The following KIF16B variants were observed in gnomAD, a reference collection of about 807,000 sequenced individuals.
KIF16B encodes kinesin family member 16B.
Under a neutral mutation model 156.3 loss-of-function variants are expected in KIF16B, and 98 were observed. The observed-to-expected ratio is 0.63, with a 90% CI of 0.53 to 0.74. The LOEUF is 0.74. Among genes scored for constraint, KIF16B ranks in the 30% least tolerant of loss-of-function variants. The pLI is 0.00. For missense variants in KIF16B, 1,421 were observed against 1,606.5 expected (o/e 0.88, Z 1.97); for synonymous variants, 564 against 583.7 (o/e 0.97, Z 0.49).
At chr20:16,428,590 T>A (rs1464609332) in intron 14 of KIF16B, among the ~76,000 whole-genome samples, 1 of 152,170 alleles carries the variant, frequency 6.6e-6, no homozygotes, top group African/African-American at 2.4e-5. Context: ...AAGACCTACA[T>A]CTTTTATCTG....
At position 16,379,693 on chromosome 20, in the gene KIF16B, C is replaced by A. The variant is rs187121842; in HGVS notation, c.2309G>T (p.Arg770Leu). The A allele has an allele frequency of 4.3e-6, 7 of 1,614,044 alleles. No homozygotes were observed. Among genetic ancestry groups the A allele is most frequent in the Non-Finnish European group, 4.2e-6 (5 of 1,180,044 alleles). Residue 770 changes from arginine to leucine, a missense_variant, in exon 19 of 26, where the codon CGA becomes CTA. Physicochemically the swap from Arg to Leu is moderately radical, Grantham distance 102. Coordinates refer to ENST00000354981, the MANE Select transcript of KIF16B (RefSeq NM_024704.5). Reference sequence around the variant, plus strand: ...GAGCTGGATCATCTCCTGCTTCTCTCGGAGCTGCTCTTCCAGATGGGCCAC... The same window carrying A: ...GAGCTGGATCATCTCCTGCTTCTCTAGGAGCTGCTCTTCCAGATGGGCCAC... ...MLVAHLEEQL[R>L]EKQEMIQLLR... is the part of the protein sequence containing the mutation.
chr20:16,389,881 G>A (rs1381811375), intron 17 of KIF16B, among the ~76,000 whole-genome samples: 1 of 152,138 alleles, frequency 6.6e-6, no homozygotes, highest in East Asian at 1.9e-4. Context: ...TAGCTCTCAG[G>A]TAAACTTTCA....
intron 3 of KIF16B, among the ~76,000 whole-genome samples, chr20:16,520,100 A>C (rs2069286581): frequency 6.6e-6 from 1 of 151,168 alleles, no homozygotes; most frequent in African/African-American, 2.4e-5. Flanking sequence ...GTGGCTGTTC[A>C]GGCAGACATC....
intron 15 of KIF16B, among the ~76,000 whole-genome samples, chr20:16,411,118 T>C (rs2065942837): frequency 6.6e-6 from 1 of 152,120 alleles, no homozygotes; most frequent in Non-Finnish European, 1.5e-5. Context: ...TGTCTGTTCC[T>C]AAATGTCTGC....
chr20:16,505,633 A>G, intron 9 of KIF16B, 89 bp downstream of exon 9: 1 of 1,201,282 alleles, frequency 8.3e-7, no homozygotes, highest in South Asian at 1.4e-5. Flanking sequence ...AAAAGGTGCT[A>G]TTTCCTAATA....
chr20:16,381,576 A>T (rs755244248), intron 18 of KIF16B, 118 bp downstream of exon 18: 26 of 619,396 alleles, frequency 4.2e-5, no homozygotes, highest in Non-Finnish European at 6.5e-5. Flanking sequence ...TAAATAACAG[A>T]TAACAGACAC....
chr20:16,441,850 A>T (rs1276066030), intron 12 of KIF16B, among the ~76,000 whole-genome samples: 3 of 152,202 alleles, frequency 2.0e-5, no homozygotes, highest in Non-Finnish European at 4.4e-5. Flanking sequence ...AGTCTACATT[A>T]GGGATATATC....
At chr20:16,374,805 T>C (rs937990250) in intron 19 of KIF16B, among the ~76,000 whole-genome samples, 3 of 152,286 alleles carry the variant, frequency 2.0e-5, no homozygotes, top group African/African-American at 7.2e-5. Context: ...AGATCTATGT[T>C]TTAAAGAGTT....
chr20:16,454,421 C>T lies in KIF16B; in HGVS notation c.1303-24439G>A, dbSNP rs186042199. ...GTATATATGGATATATGTTAAGGTGCGTATATAATATATATTACTTTTATG... is the reference window on the plus strand; with the variant it reads ...GTATATATGGATATATGTTAAGGTGTGTATATAATATATATTACTTTTATG... On this transcript the variant is annotated intron_variant, in intron 12 of 25. Transcript: ENST00000354981. Among the ~76,000 whole-genome samples, 107 of 149,866 alleles carry T rather than the reference C, an allele frequency of 7.1e-4. 1 individual carries two copies. Among genetic ancestry groups the T allele is most frequent in the Admixed American group, 4.3e-3 (64 of 14,992 alleles).
chr20:16,360,609 A>G (rs1220429589), intron 22 of KIF16B, among the ~76,000 whole-genome samples: 1 of 152,228 alleles, frequency 6.6e-6, no homozygotes, highest in Non-Finnish European at 1.5e-5. Flanking sequence ...GAAAAAGTAG[A>G]TAATTGGTAA....
chr20:16,324,619 C>T (rs999703349), intron 24 of KIF16B, among the ~76,000 whole-genome samples: 6 of 151,964 alleles, frequency 3.9e-5, no homozygotes, highest in Non-Finnish European at 7.4e-5. Flanking sequence ...ATGAGTCTGT[C>T]ATTAATTTTG....
chr20:16,567,739 G>A (rs58046157), intron 1 of KIF16B, among the ~76,000 whole-genome samples: 7 of 151,982 alleles, frequency 4.6e-5, no homozygotes, highest in African/African-American at 1.7e-4. Flanking sequence ...TCATGAGGTC[G>A]GGAGATCAAG....
At chr20:16,507,935 G>C in intron 7 of KIF16B, 23 bp downstream of exon 7, 1 of 1,613,738 alleles carries the variant, frequency 6.2e-7, no homozygotes, top group Non-Finnish European at 8.5e-7. Flanking sequence ...GATGGAGCCA[G>C]CTGGTCCCGC....
At chr20:16,365,725 C>T (rs1174643643) in intron 22 of KIF16B, among the ~76,000 whole-genome samples, 2 of 152,184 alleles carry the variant, frequency 1.3e-5, no homozygotes, top group African/African-American at 4.8e-5. Context: ...AGCTTTGACA[C>T]CATCTCCGTC....
intron 23 of KIF16B, among the ~76,000 whole-genome samples, chr20:16,346,876 G>T (rs1463764373): frequency 6.6e-6 from 1 of 152,114 alleles, no homozygotes; most frequent in East Asian, 1.9e-4. Flanking sequence ...GACAGTCTAA[G>T]CAATTTTCCT....
At chr20:16,306,676 CT>C (rs2063545238) in intron 25 of KIF16B, among the ~76,000 whole-genome samples, 1 of 152,040 alleles carries the variant, frequency 6.6e-6, no homozygotes, top group African/African-American at 2.4e-5. Context: ...GGGAGTGGTG[CT>C]CTTTTGCCTT....
At chr20:16,503,756 C>T (rs573305605) in intron 10 of KIF16B, among the ~76,000 whole-genome samples, 2 of 152,286 alleles carry the variant, frequency 1.3e-5, no homozygotes, top group Admixed American at 1.3e-4. Flanking sequence ...TAACTCTGTA[C>T]ATACACCATG....
At chr20:16,302,848 C>T (rs539124936) in intron 25 of KIF16B, among the ~76,000 whole-genome samples, 10 of 152,128 alleles carry the variant, frequency 6.6e-5, no homozygotes, top group Non-Finnish European at 1.5e-5. Context: ...TATATATTAA[C>T]CTTGTATTCT....
chr20:16,283,561 C>T (rs987226356), intron 25 of KIF16B, among the ~76,000 whole-genome samples: 2 of 152,174 alleles, frequency 1.3e-5, no homozygotes, highest in Non-Finnish European at 2.9e-5. Context: ...CTCCATGGAT[C>T]ACAGGTCTAG....
Sources: allele counts gnomAD v4.1 joint callset (sites outside exome capture counted in the v4.1 genomes callset), GRCh38; gene constraint gnomAD v4.1.1; transcripts MANE v1.5; gene names NCBI Gene and HGNC (gene_info 2026-07-23, HGNC 2026-07-21).